The following CNBD1 variants were observed in gnomAD, a reference collection of about 807,000 sequenced individuals.
CNBD1 encodes cyclic nucleotide-binding domain-containing protein 1.
A neutral mutation model predicts 54.4 loss-of-function variants in CNBD1; 71 were observed. That is an observed-to-expected ratio of 1.30 (90% CI 1.08 to 1.59). The LOEUF is 1.59. Ranked by LOEUF, CNBD1 falls within the 40% of genes most tolerant of loss-of-function variation. The pLI, the probability that CNBD1 is intolerant of heterozygous loss-of-function variation, is 0.00. For missense variants in CNBD1, 659 were observed against 518.0 expected (o/e 1.27, Z -2.64); for synonymous variants, 182 against 170.7 (o/e 1.07, Z -0.51).
chr8:87,332,918 G>A (rs560598163), intron 8 of CNBD1, among the ~76,000 whole-genome samples: 37 of 152,188 alleles, frequency 2.4e-4, no homozygotes, highest in Admixed American at 1.8e-3. Flanking sequence ...GAATATCAAT[G>A]GTAGTTTGAT....
intron 8 of CNBD1, among the ~76,000 whole-genome samples, chr8:87,318,037 C>T (rs993282208): frequency 2.0e-5 from 3 of 151,982 alleles, no homozygotes; most frequent in African/African-American, 2.4e-5. Context: ...TAGTTTCCAT[C>T]TCTAGAAATT....
intron 1 of CNBD1, among the ~76,000 whole-genome samples, chr8:86,878,448 A>T (rs942521057): frequency 6.6e-6 from 1 of 151,768 alleles, no homozygotes; most frequent in African/African-American, 2.4e-5. Flanking sequence ...TTGTGCTGTC[A>T]TCGTTTAAAT....
chr8:86,966,913 G>A (rs1563840866), intron 4 of CNBD1, among the ~76,000 whole-genome samples: 1 of 152,184 alleles, frequency 6.6e-6, no homozygotes. Context: ...CGCACATCTT[G>A]CTGATTGGTC....
chr8:87,367,247 C>G (rs7017661), intron 10 of CNBD1, among the ~76,000 whole-genome samples: 25,381 of 151,986 alleles, frequency 0.17, 2,972 homozygotes, highest in African/African-American at 0.34. Flanking sequence ...CAACTGTCAA[C>G]TAGCTTTTCT....
chr8:87,423,593 T>C lies in CNBD1; in HGVS notation c.214-4953T>C, dbSNP rs1045861561. On this transcript the variant is annotated intron_variant, in intron 2 of 7. Transcript: ENST00000521593. Reference sequence around the variant, plus strand: ...TGGATTACATTTATTGATTTGCGTATATTGAACCAGCCTTGCATCCCAGGG... The same window carrying C: ...TGGATTACATTTATTGATTTGCGTACATTGAACCAGCCTTGCATCCCAGGG... Among the ~76,000 whole-genome samples the C allele has an allele frequency of 4.0e-5, 6 of 148,516 alleles. 1 individual carries two copies. Among genetic ancestry groups the C allele is most frequent in the African/African-American group, 1.3e-4 (5 of 38,812 alleles).
chr8:87,297,842 C>G (rs898648038), intron 8 of CNBD1, among the ~76,000 whole-genome samples: 4 of 151,830 alleles, frequency 2.6e-5, no homozygotes, highest in African/African-American at 9.7e-5. Flanking sequence ...TATCTTAGAT[C>G]TTAATCTTTA....
chr8:87,308,035 G>A (rs1473910065), intron 8 of CNBD1, among the ~76,000 whole-genome samples: 1 of 151,988 alleles, frequency 6.6e-6, no homozygotes, highest in Non-Finnish European at 1.5e-5. Context: ...GTTTCCCCAT[G>A]TTATGGCAAA....
chr8:87,281,293 A>C (rs911088290), intron 6 of CNBD1, among the ~76,000 whole-genome samples: 1 of 151,212 alleles, frequency 6.6e-6, no homozygotes, highest in Non-Finnish European at 1.5e-5. Flanking sequence ...CCATTGAAAC[A>C]AATACAAGGA....
rs991544983 is a variant in CNBD1, at chr8:87,279,634, A to C, written c.772-5044A>C. Among the ~76,000 whole-genome samples the C allele has an allele frequency of 2.6e-5, 4 of 151,368 alleles. No individual in the cohort carries two copies. In the East Asian group the frequency reaches 7.7e-4, roughly 29 times the overall value. ...TCATTAAAAATAAAGATATTTCATA[A>C]TGAGTATGAAATGTATATGCAGTAA... On this transcript the variant is annotated intron_variant, in intron 6 of 10. Transcript: ENST00000518476.
intron 10 of CNBD1, among the ~76,000 whole-genome samples, chr8:87,379,233 A>G (rs1475727456): frequency 3.3e-5 from 5 of 151,996 alleles, no homozygotes; most frequent in Non-Finnish European, 7.4e-5. Context: ...GTCTTGTGAA[A>G]GTCCTGAGTG....
chr8:87,345,574 A>T (rs1042418630), intron 8 of CNBD1, among the ~76,000 whole-genome samples: 4 of 152,172 alleles, frequency 2.6e-5, no homozygotes, highest in Admixed American at 1.3e-4. Flanking sequence ...TTTTCATTTC[A>T]GGCAATCAAT....
downstream of CNBD1, among the ~76,000 whole-genome samples, chr8:87,385,258 G>A (rs1811158889): frequency 6.6e-6 from 1 of 152,156 alleles, no homozygotes; most frequent in South Asian, 2.1e-4. Flanking sequence ...ACTGGGGAGT[G>A]TTGGACGGTG....
intron 4 of CNBD1, among the ~76,000 whole-genome samples, chr8:86,952,185 T>C (rs1807643415): frequency 6.6e-6 from 1 of 152,122 alleles, no homozygotes; most frequent in Admixed American, 6.6e-5. Flanking sequence ...ATGTCTCATA[T>C]CTCCCTATAA....
intron 1 of CNBD1, among the ~76,000 whole-genome samples, chr8:86,869,447 G>C (rs1808410196): frequency 6.6e-6 from 1 of 152,114 alleles, no homozygotes; most frequent in Non-Finnish European, 1.5e-5. Flanking sequence ...TATATGGGAG[G>C]CAACATGTCA....
intron 8 of CNBD1, among the ~76,000 whole-genome samples, chr8:87,300,559 A>G (rs549448410): frequency 6.6e-6 from 1 of 152,296 alleles, no homozygotes; most frequent in South Asian, 2.1e-4. Context: ...ACATTAGAAA[A>G]TCATATAAAA....
At chr8:87,396,679 C>A (rs965476366) in intron 2 of CNBD1, among the ~76,000 whole-genome samples, 2 of 151,556 alleles carry the variant, frequency 1.3e-5, no homozygotes, top group African/African-American at 4.8e-5. Context: ...ATTGATTTGT[C>A]CCTTTTTAAT....
intron 2 of CNBD1, among the ~76,000 whole-genome samples, chr8:87,427,909 G>T (rs1219654180): frequency 1.3e-5 from 2 of 152,028 alleles, no homozygotes; most frequent in Non-Finnish European, 2.9e-5. Flanking sequence ...GGTTGTTTTT[G>T]TCTCCTGGAT....
At chr8:87,316,938 T>A (rs935133873) in intron 8 of CNBD1, among the ~76,000 whole-genome samples, 1 of 151,864 alleles carries the variant, frequency 6.6e-6, no homozygotes, top group Admixed American at 6.6e-5. Context: ...ACTTAAGAAG[T>A]CACAAGTACT....
chr8:87,378,744 C>A (rs1315055713), intron 10 of CNBD1, among the ~76,000 whole-genome samples: 3 of 151,074 alleles, frequency 2.0e-5, no homozygotes, highest in Non-Finnish European at 4.4e-5. Context: ...TTACCTTGGG[C>A]AGTATGGACA....
Sources: gnomAD v4.1 joint callset for allele counts (sites outside exome capture counted in the v4.1 genomes callset) on GRCh38, gnomAD v4.1.1 for gene constraint, MANE v1.5 for transcripts, NCBI Gene and HGNC (gene_info 2026-07-23, HGNC 2026-07-21) for gene names.